The following ALDH1L1 variants were observed in gnomAD, a reference collection of about 807,000 sequenced individuals.
ALDH1L1 encodes cytosolic 10-formyltetrahydrofolate dehydrogenase.
A neutral mutation model predicts 101.1 loss-of-function variants in ALDH1L1; 68 were observed. That is an observed-to-expected ratio of 0.67 (90% confidence interval 0.55 to 0.82). The LOEUF is 0.82. Among genes scored for constraint, ALDH1L1 ranks in the 40% least tolerant of loss-of-function variants. ALDH1L1 has a pLI of 0.00. For missense variants in ALDH1L1, 1,087 were observed against 1,172.7 expected (o/e 0.93, Z 1.07); for synonymous variants, 486 against 470.8 (o/e 1.03, Z -0.42).
chr3:126,124,374 G>T lies in ALDH1L1; in HGVS notation c.1878C>A (p.Leu626=). Residue 626 remains leucine (L), a synonymous_variant, in exon 16 of 23, where the codon CTC becomes CTA. Transcript: ENST00000393434. ...AGIPKGVVNV[L]PGSGSLVGQR... ...GACAATGGCTCTTACCAGATCCTGG[G>T]AGGACGTTAACCACACCTTTGGGAA... 1 of 1,611,658 alleles carries T rather than the reference G, an allele frequency of 6.2e-7. No homozygotes were observed. The highest frequency in any genetic ancestry group is 8.5e-7 in the Non-Finnish European group (1 of 1,179,000).
chr3:126,107,638 G>T (rs1375770496), intron 20 of ALDH1L1, among the ~76,000 whole-genome samples: 3 of 152,218 alleles, frequency 2.0e-5, no homozygotes. Context: ...AGGCAGCTCT[G>T]CCACTGACCC....
At chr3:126,120,569 C>T (rs1421283390) in intron 16 of ALDH1L1, among the ~76,000 whole-genome samples, 1 of 152,182 alleles carries the variant, frequency 6.6e-6, no homozygotes, top group Non-Finnish European at 1.5e-5. Context: ...ATGGAATGTA[C>T]AACCCAAGAG....
chr3:126,130,215 G>A lies in ALDH1L1; in HGVS notation c.1694+8C>T, dbSNP rs757664904. Reference sequence around the variant, plus strand: ...CGAGGCTGCACCTCGCCCTGGGCAGGAACTCACCCAACAGGCTCCTTCCTG... The same window carrying A: ...CGAGGCTGCACCTCGCCCTGGGCAGAAACTCACCCAACAGGCTCCTTCCTG... On this transcript the variant is annotated splice_region_variant and intron_variant, in intron 14 of 22. Transcript: ENST00000393434. The A allele has an allele frequency of 3.7e-6, 6 of 1,604,484 alleles. No individual in the cohort carries two copies. In the East Asian group the frequency reaches 1.1e-4, roughly 30 times the overall value.
intron 12 of ALDH1L1, among the ~76,000 whole-genome samples, chr3:126,133,060 A>C (rs552320471): frequency 6.6e-6 from 1 of 152,230 alleles, no homozygotes; most frequent in Non-Finnish European, 1.5e-5. Flanking sequence ...CGAAGACAGG[A>C]GCTGCCTCTT....
chr3:126,136,692 G>A (rs2080452309), intron 11 of ALDH1L1, 72 bp downstream of exon 11: 9 of 1,543,918 alleles, frequency 5.8e-6, no homozygotes, highest in Admixed American at 2.0e-5. Flanking sequence ...ACCCCCAGAG[G>A]CCAGTGGGGG....
At chr3:126,179,192 T>A (rs2081423980) in intron 1 of ALDH1L1, among the ~76,000 whole-genome samples, 1 of 152,370 alleles carries the variant, frequency 6.6e-6, no homozygotes, top group Admixed American at 6.5e-5. Context: ...GGCCGCTCAG[T>A]GTCCTTTCAC....
chr3:126,180,765 C>T, upstream of ALDH1L1: 6 of 1,454,514 alleles, frequency 4.1e-6, no homozygotes, highest in Non-Finnish European at 5.4e-6. Context: ...CCGCAGGGGC[C>T]TGCGCTCTTT....
Position 126,180,494 on chromosome 3 carries a change from C to A in ALDH1L1, c.-42G>T. ...AACTCACCGCGCGCAGGAGTTGGTG[C>A]GGGCGTCCCGGGCAGGTTAGACTTC... On this transcript the variant is annotated 5_prime_UTR_variant, in exon 1 of 23. Transcript: ENST00000393434. 1 of 997,896 alleles carries A rather than the reference C, an allele frequency of 1.0e-6. No homozygotes were observed. Among genetic ancestry groups the A allele is most frequent in the Non-Finnish European group, 1.2e-6 (1 of 837,288 alleles). 61.8% of individuals were successfully genotyped at this position (997,896 alleles called of 1,614,324 possible). A position where few individuals can be genotyped will look rare whatever the true frequency, so the allele number is the denominator to read the frequency against.
chr3:126,192,216 C>G (rs1219627939), intron 1 of ALDH1L1, among the ~76,000 whole-genome samples: 1 of 152,072 alleles, frequency 6.6e-6, no homozygotes, highest in Non-Finnish European at 1.5e-5. Flanking sequence ...GCATCCTTGT[C>G]CCTTGATTTT....
In ALDH1L1 at chr3:126,107,170, A is replaced by C; in HGVS notation, c.2424T>G (p.Pro808=). 2 of 1,614,172 alleles carry C rather than the reference A, an allele frequency of 1.2e-6. No individual in the cohort carries two copies. Among genetic ancestry groups the C allele is most frequent in the Non-Finnish European group, 1.7e-6 (2 of 1,180,012 alleles). ...CAGCAAACCGAGAGATGATCATGAC[A>C]GGCCCGAAGGACTCCTCCTTGGCTA... The part of the protein sequence containing the change: ...MFIAKEESFG[P]VMIISRFADG... Residue 808 remains proline, a synonymous_variant, in exon 21 of 23, where the codon CCT becomes CCG. Transcript: ENST00000393434.
chr3:126,160,950 C>T lies in ALDH1L1; in HGVS notation c.30G>A (p.Leu10=), dbSNP rs1454082472. 1 of 1,614,238 alleles carries T rather than the reference C, an allele frequency of 6.2e-7. No homozygotes were observed. The highest frequency in any genetic ancestry group is 8.5e-7 in the Non-Finnish European group (1 of 1,180,002). MKIAVIGQS[L]FGQEVYCHLR... ...GGTGGCAGTAAACTTCCTGGCCAAA[C>T]AGGCTCTGTCCAATCACTGCAATCT... Residue 10 remains leucine, a synonymous_variant, in exon 2 of 23, where the codon CTG becomes CTA. Coordinates refer to ENST00000393434, the MANE Select transcript of ALDH1L1 (RefSeq NM_012190.4).
In ALDH1L1 at chr3:126,110,059, G is replaced by C. The variant is rs141918591; in HGVS notation, c.2232C>G (p.Thr744=). 2.1e-5 allele frequency: 34 copies of C among 1,614,198 alleles called. No individual in the cohort carries two copies. The highest frequency in any genetic ancestry group is 2.7e-5 in the Non-Finnish European group (32 of 1,180,030). Residue 744 remains threonine, a synonymous_variant, in exon 20 of 23, where the codon ACC becomes ACG. Transcript: ENST00000393434. ...MKVGNPLDRD[T]DHGPQNHHAH... Reference sequence around the variant, plus strand: ...CATGGTGATTCTGCGGCCCGTGGTCGGTGTCCCTGTCCAGCGGGTTGCCCA... The same window carrying C: ...CATGGTGATTCTGCGGCCCGTGGTCCGTGTCCCTGTCCAGCGGGTTGCCCA...
At position 126,196,380 on chromosome 3, in the gene ALDH1L1, CTTTT is replaced by C. The variant is rs34527873; in HGVS notation, c.-24+1351_-24+1354del. ...GCCTGGGATTCCATGAAGAAAACAG[CTTTT>C]TTTTTTTTTTTTTTCCAAAATGGGG... On this transcript the variant is annotated intron_variant, in intron 1 of 2. Coordinates refer to the ALDH1L1 transcript ENST00000509952. 1.7e-3 allele frequency among the ~76,000 whole-genome samples: 243 copies of C among 139,106 alleles called. 1 individual carries two copies. Among genetic ancestry groups the C allele is most frequent in the Admixed American group, 6.7e-3 (94 of 14,068 alleles). 91.3% of individuals were successfully genotyped at this position (139,106 alleles called of 152,430 possible).
At chr3:126,169,965 G>A (rs549928617) in intron 1 of ALDH1L1, among the ~76,000 whole-genome samples, 5 of 151,814 alleles carry the variant, frequency 3.3e-5, no homozygotes, top group Non-Finnish European at 7.4e-5. Context: ...AATTATATCC[G>A]TTACAGAAAT....
chr3:126,118,113 G>T lies in ALDH1L1; in HGVS notation c.1889-15C>A. ...GACCAGGGAGCCTGTGGGCGGGAGG[G>T]AGGGGGGAATCAGAGTGGTCCCCCT... On this transcript the variant is annotated splice_polypyrimidine_tract_variant and intron_variant, in intron 16 of 22. Transcript: ENST00000393434. 3.1e-6 allele frequency: 5 copies of T among 1,591,754 alleles called. No homozygotes were observed. The highest frequency in any genetic ancestry group is 1.1e-5 in the South Asian group (1 of 89,836).
chr3:126,180,862 T>C (rs1325187229), upstream of ALDH1L1: 6 of 1,562,500 alleles, frequency 3.8e-6, no homozygotes, highest in African/African-American at 2.7e-5. Context: ...GGGCTGGCAG[T>C]TCTGAGCGCT....
chr3:126,178,937 C>A (rs529655976), intron 1 of ALDH1L1, among the ~76,000 whole-genome samples: 1 of 135,152 alleles, frequency 7.4e-6, no homozygotes, highest in East Asian at 2.1e-4. Context: ...ATGATTACTT[C>A]TGAAAAAAAA....
chr3:126,134,760 G>A (rs923323069), intron 12 of ALDH1L1, among the ~76,000 whole-genome samples: 5 of 152,194 alleles, frequency 3.3e-5, no homozygotes, highest in East Asian at 1.9e-4. Flanking sequence ...TTGGGACCAC[G>A]CCATAACTTG....
intron 1 of ALDH1L1, among the ~76,000 whole-genome samples, chr3:126,175,805 C>CA (rs2081356454): frequency 6.6e-6 from 1 of 152,056 alleles, no homozygotes; most frequent in South Asian, 2.1e-4. Context: ...TTCCCTTTCA[C>CA]CCTTCCTAGT....
Sources: allele counts gnomAD v4.1 joint callset (sites outside exome capture counted in the v4.1 genomes callset), GRCh38; gene constraint gnomAD v4.1.1; transcripts MANE v1.5; gene names NCBI Gene and HGNC (gene_info 2026-07-23, HGNC 2026-07-21).